NEK11: variants seen among roughly 807,000 people sequenced by gnomAD.
NEK11 encodes the protein serine/threonine-protein kinase Nek11.
Under a neutral mutation model 80.7 loss-of-function variants are expected in NEK11, and 72 were observed. That is an observed-to-expected ratio of 0.89 (90% CI 0.74 to 1.08). NEK11 has a LOEUF of 1.08. NEK11 is among the 50% of genes least tolerant of loss of function. NEK11 has a pLI of 0.00. For missense variants in NEK11, 764 were observed against 763.6 expected (o/e 1.00, Z -0.01); for synonymous variants, 251 against 260.7 (o/e 0.96, Z 0.36).
intron 7 of NEK11, among the ~76,000 whole-genome samples, chr3:131,142,671 G>T (rs2087214017): frequency 1.3e-5 from 2 of 152,154 alleles, no homozygotes; most frequent in South Asian, 4.2e-4. Context: ...TGTATGGTTT[G>T]CATAAAATCT....
At chr3:131,076,629 A>T (rs2074403764) in intron 3 of NEK11, among the ~76,000 whole-genome samples, 1 of 152,236 alleles carries the variant, frequency 6.6e-6, no homozygotes, top group Admixed American at 6.5e-5. Flanking sequence ...GTCTAAGTTG[A>T]AATTAAAATT....
chr3:131,349,217 TTATGTG>T (rs1210460149), intron 17 of NEK11, among the ~76,000 whole-genome samples: 1 of 152,162 alleles, frequency 6.6e-6, no homozygotes, highest in Non-Finnish European at 1.5e-5. Context: ...ATCTGATATC[TTATGTG>T]TATATGTGTA....
intron 4 of NEK11, among the ~76,000 whole-genome samples, chr3:131,089,205 G>A (rs901043737): frequency 7.2e-5 from 11 of 152,176 alleles, no homozygotes; most frequent in African/African-American, 1.7e-4. Context: ...CTAGAGTCAC[G>A]AAGGATGCTT....
intron 17 of NEK11, among the ~76,000 whole-genome samples, chr3:131,315,722 G>A (rs974996189): frequency 6.6e-6 from 1 of 151,498 alleles, no homozygotes; most frequent in Non-Finnish European, 1.5e-5. Context: ...ACCAACCCCC[G>A]ACAGGCCCCA....
intron 7 of NEK11, among the ~76,000 whole-genome samples, chr3:131,148,775 G>A (rs1383319196): frequency 6.6e-6 from 1 of 151,534 alleles, no homozygotes; most frequent in East Asian, 1.9e-4. Context: ...TATGTCACAA[G>A]GGCTTGGTGT....
chr3:131,099,762 C>T (rs1256708168), intron 4 of NEK11, among the ~76,000 whole-genome samples: 1 of 152,184 alleles, frequency 6.6e-6, no homozygotes. Context: ...TGATTTGACT[C>T]TCAGCCTGGA....
At chr3:131,231,508 A>G (rs1302088737) in intron 15 of NEK11, among the ~76,000 whole-genome samples, 3 of 150,294 alleles carry the variant, frequency 2.0e-5, no homozygotes, top group Non-Finnish European at 3.0e-5. Flanking sequence ...AACAATACAC[A>G]GTAGAGCAAT....
In NEK11 at chr3:131,155,018, G is replaced by C; in HGVS notation, c.877-18G>C. On this transcript the variant is annotated intron_variant, in intron 9 of 17. Coordinates refer to ENST00000383366, the MANE Select transcript of NEK11 (RefSeq NM_024800.5). ...AAGAGGAGCCTTTAAGATATGTCAG[G>C]GTTGATCTTTTTTTCAGAACCTAAT... 2 of 1,464,340 alleles carry C rather than the reference G, an allele frequency of 1.4e-6. No homozygotes were observed. Among genetic ancestry groups the C allele is most frequent in the Non-Finnish European group, 1.9e-6 (2 of 1,044,062 alleles). 90.7% of individuals were successfully genotyped at this position (1,464,340 alleles called of 1,614,324 possible).
At chr3:131,147,487 A>G (rs1188031756) in intron 7 of NEK11, among the ~76,000 whole-genome samples, 2 of 152,064 alleles carry the variant, frequency 1.3e-5, no homozygotes, top group South Asian at 2.1e-4. Flanking sequence ...TATAAGCTAT[A>G]TAACTTTATA....
chr3:131,298,014 T>C (rs1003572722), intron 17 of NEK11, among the ~76,000 whole-genome samples: 4 of 152,158 alleles, frequency 2.6e-5, no homozygotes, highest in African/African-American at 9.7e-5. Flanking sequence ...TTCTGTTCCA[T>C]TGATCTATAT....
At chr3:131,132,564 C>A (rs1213640124) in intron 5 of NEK11, among the ~76,000 whole-genome samples, 181 bp from the exon 6 acceptor site, 1 of 151,984 alleles carries the variant, frequency 6.6e-6, no homozygotes. Flanking sequence ...TATTTTAAAA[C>A]TTTTGTTTCC....
At chr3:131,101,579 G>A (rs2078369887) in intron 4 of NEK11, among the ~76,000 whole-genome samples, 1 of 152,160 alleles carries the variant, frequency 6.6e-6, no homozygotes. Flanking sequence ...TTTATGCACT[G>A]TGGTCTGAGA....
At chr3:131,296,361 A>G (rs369973528) in intron 17 of NEK11, among the ~76,000 whole-genome samples, 1 of 152,192 alleles carries the variant, frequency 6.6e-6, no homozygotes, top group East Asian at 1.9e-4. Flanking sequence ...GTTGTCTGTT[A>G]GATTAAGAAA....
intron 14 of NEK11, among the ~76,000 whole-genome samples, chr3:131,187,634 A>AT (rs375485523): frequency 6.6e-6 from 1 of 151,946 alleles, no homozygotes; most frequent in Non-Finnish European, 1.5e-5. Flanking sequence ...CCCATCTGCA[A>AT]TTTTTTTTCA....
At chr3:131,200,021 C>T (rs926313402) in intron 14 of NEK11, among the ~76,000 whole-genome samples, 3 of 151,964 alleles carry the variant, frequency 2.0e-5, no homozygotes, top group Admixed American at 6.6e-5. Context: ...TGAAGAATAC[C>T]GAGTAACAAA....
In NEK11 at chr3:131,350,119, G is replaced by A. The variant is rs1338058281; in HGVS notation, c.*343G>A. On this transcript the variant is annotated 3_prime_UTR_variant, in exon 18 of 18. Coordinates refer to ENST00000383366, the MANE Select transcript of NEK11 (RefSeq NM_024800.5). ...AGCCGTGTGCTCTTCATTATTTTCA[G>A]CTGGAGGACAGAGCTCAGTGCCTGA... is the stretch of plus-strand genomic sequence containing the variant. The A allele has an allele frequency of 4.0e-6, 1 of 247,032 alleles. No individual in the cohort carries two copies. Among genetic ancestry groups the A allele is most frequent in the Non-Finnish European group, 8.0e-6 (1 of 125,356 alleles). The allele number at this position is 247,032 out of a possible 1,614,324, so 15.3% of individuals were successfully genotyped here.
chr3:131,178,717 T>C (rs943707660), intron 14 of NEK11, among the ~76,000 whole-genome samples: 1 of 152,218 alleles, frequency 6.6e-6, no homozygotes, highest in African/African-American at 2.4e-5. Context: ...ATAATGATAA[T>C]AGTATAGTAT....
chr3:131,165,964 T>A (rs1376755544), intron 12 of NEK11, among the ~76,000 whole-genome samples: 1 of 152,230 alleles, frequency 6.6e-6, no homozygotes, highest in African/African-American at 2.4e-5. Context: ...ATAATTTCAT[T>A]CAAATTTTAA....
At chr3:131,150,752 A>G (rs992717388) in intron 7 of NEK11, among the ~76,000 whole-genome samples, 2 of 151,946 alleles carry the variant, frequency 1.3e-5, no homozygotes, top group South Asian at 2.1e-4. Flanking sequence ...TATTTTGTAG[A>G]GTTAATATTC....
Sources: allele counts gnomAD v4.1 joint callset (sites outside exome capture counted in the v4.1 genomes callset), GRCh38; gene constraint gnomAD v4.1.1; transcripts MANE v1.5; gene names NCBI Gene and HGNC (gene_info 2026-07-23, HGNC 2026-07-21).